Variants in MITF observed in about 807,000 individuals in gnomAD.
MITF encodes melanocyte inducing transcription factor.
In MITF, 17 loss-of-function variants were observed where a neutral mutation model predicts 60.5. That is an observed-to-expected ratio of 0.28 (90% CI 0.19 to 0.42). MITF has a LOEUF of 0.42. Ranked by LOEUF, MITF falls within the 10% of genes least tolerant of loss-of-function variation. MITF has a pLI of 1.00. For synonymous variants in MITF, 260 were observed against 248.5 expected, an observed-to-expected ratio of 1.05 and a Z score of -0.43; for missense variants, 622 against 683.5, an observed-to-expected ratio of 0.91 and a Z score of 1.00.
intron 1 of MITF, among the ~76,000 whole-genome samples, chr3:69,800,237 A>G (rs1042208145): frequency 1.3e-5 from 2 of 152,124 alleles, no homozygotes; most frequent in African/African-American, 4.8e-5. Context: ...TCTTTCACTT[A>G]GCATATTTTC....
intron 1 of MITF, among the ~76,000 whole-genome samples, chr3:69,746,175 G>A (rs550423354): frequency 9.9e-4 from 151 of 152,230 alleles, no homozygotes; most frequent in Non-Finnish European, 2.0e-3. Flanking sequence ...TCCTTTTCCC[G>A]ATTACTACTA....
chr3:69,891,193 TAGA>T (rs2064752331), intron 2 of MITF, among the ~76,000 whole-genome samples: 1 of 152,318 alleles, frequency 6.6e-6, no homozygotes, highest in African/African-American at 2.4e-5. Flanking sequence ...ACTAATGAAT[TAGA>T]AGAATCTTGA....
chr3:69,903,321 C>T (rs1484034565), intron 2 of MITF, among the ~76,000 whole-genome samples: 1 of 152,176 alleles, frequency 6.6e-6, no homozygotes, highest in African/African-American at 2.4e-5. Context: ...ATGGTAAGCA[C>T]AGCCTAGTTT....
intron 2 of MITF, among the ~76,000 whole-genome samples, chr3:69,911,628 A>T (rs9843596): frequency 7.9e-5 from 12 of 152,188 alleles, no homozygotes. Flanking sequence ...ATAAGAAAAC[A>T]ATGGGGTGGG....
intron 2 of MITF, among the ~76,000 whole-genome samples, chr3:69,930,081 G>A (rs765420549): frequency 1.6e-4 from 24 of 152,242 alleles, no homozygotes; most frequent in Non-Finnish European, 3.1e-4. Context: ...GCAGAAGACC[G>A]TGGGAGGAGC....
At chr3:69,879,924 A>G (rs1367932340) in intron 2 of MITF, among the ~76,000 whole-genome samples, 1 of 152,190 alleles carries the variant, frequency 6.6e-6, no homozygotes, top group Non-Finnish European at 1.5e-5. Flanking sequence ...ATTTCTTGCT[A>G]GAGTAGAAAC....
At chr3:69,893,891 T>G (rs1337334170) in intron 2 of MITF, among the ~76,000 whole-genome samples, 1 of 152,172 alleles carries the variant, frequency 6.6e-6, no homozygotes, top group African/African-American at 2.4e-5. Flanking sequence ...CATAAAAGAC[T>G]TATATGTTGT....
chr3:69,790,471 A>G (rs2062722221), intron 1 of MITF, among the ~76,000 whole-genome samples: 1 of 152,146 alleles, frequency 6.6e-6, no homozygotes, highest in African/African-American at 2.4e-5. Flanking sequence ...TAAAATGGTA[A>G]ATTTTATGTA....
At chr3:69,791,678 T>G (rs573075797) in intron 1 of MITF, among the ~76,000 whole-genome samples, 1 of 152,306 alleles carries the variant, frequency 6.6e-6, no homozygotes, top group African/African-American at 2.4e-5. Context: ...ATTCTGTTGT[T>G]TTTCAAGATA....
intron 1 of MITF, among the ~76,000 whole-genome samples, chr3:69,789,560 C>T (rs753652603): frequency 9.9e-5 from 15 of 152,094 alleles, no homozygotes; most frequent in South Asian, 2.1e-4. Context: ...ACAGCTGCTA[C>T]GGAAAGGAGC....
intron 1 of MITF, among the ~76,000 whole-genome samples, chr3:69,857,962 C>G (rs1048129329): frequency 1.3e-5 from 2 of 152,008 alleles, no homozygotes; most frequent in Non-Finnish European, 2.9e-5. Flanking sequence ...TTCTCTATAT[C>G]TGTATTACCA....
At chr3:69,946,384 G>A (rs1347827782) in intron 5 of MITF, among the ~76,000 whole-genome samples, 1 of 152,116 alleles carries the variant, frequency 6.6e-6, no homozygotes, top group Non-Finnish European at 1.5e-5. Context: ...TCTAATTGGA[G>A]ATGAATTGAA....
intron 1 of MITF, among the ~76,000 whole-genome samples, chr3:69,819,385 A>C (rs1327044774): frequency 6.6e-6 from 1 of 152,216 alleles, no homozygotes; most frequent in Non-Finnish European, 1.5e-5. Flanking sequence ...GAAGCGCTTA[A>C]GCTAGAAGAA....
At chr3:69,744,080 G>C (rs1350788431) in intron 1 of MITF, among the ~76,000 whole-genome samples, 1 of 152,226 alleles carries the variant, frequency 6.6e-6, no homozygotes, top group African/African-American at 2.4e-5. Flanking sequence ...TGGCAGGACA[G>C]GATACAGCAG....
chr3:69,762,870 A>G (rs1304504396), intron 1 of MITF: 2 of 224,414 alleles, frequency 8.9e-6, no homozygotes, highest in African/African-American at 4.5e-5. Context: ...ATGTTTAATA[A>G]TCAGTTTAAT....
intron 1 of MITF, among the ~76,000 whole-genome samples, chr3:69,800,376 C>T (rs1411297567): frequency 6.6e-6 from 1 of 152,118 alleles, no homozygotes; most frequent in Non-Finnish European, 1.5e-5. Flanking sequence ...GAATTGCTTC[C>T]ACTTTTGCCT....
rs560348035 is a variant in MITF, at chr3:69,939,189, A to G, written c.666+8A>G. ...CGAGCGTCCTGTATGCAGGTACTGAATGACTTGGCAGCCTGAGGATGAACA... is the reference window on the plus strand; with the variant it reads ...CGAGCGTCCTGTATGCAGGTACTGAGTGACTTGGCAGCCTGAGGATGAACA... On this transcript the variant is annotated splice_region_variant and intron_variant, in intron 4 of 9. Coordinates refer to ENST00000352241, the MANE Select transcript of MITF (RefSeq NM_001354604.2). 23 of 1,612,720 alleles carry G rather than the reference A, an allele frequency of 1.4e-5. No homozygotes were observed. Among genetic ancestry groups the G allele is most frequent in the Non-Finnish European group, 2.0e-5 (23 of 1,178,956 alleles).
Position 69,746,928 on chromosome 3 carries a change from G to A in MITF, c.104+7227G>A, listed in dbSNP as rs368761239. 2.0e-5 allele frequency among the ~76,000 whole-genome samples: 3 copies of A among 152,264 alleles called. No individual in the cohort carries two copies. In the East Asian group the frequency reaches 5.8e-4, roughly 29 times the overall value. On this transcript the variant is annotated intron_variant, in intron 1 of 9. Coordinates refer to ENST00000352241, the MANE Select transcript of MITF (RefSeq NM_001354604.2). ...TCTCAATGGTAAGCTTATTTCTCTA[G>A]CCCATTTCTACAATGTGGCTTTCTT...
Position 69,929,572 on chromosome 3 carries a change from T to C in MITF, c.355-8250T>C, listed in dbSNP as rs551282864. ...TGAATAGCATTGATGTAGGGACTTC[T>C]AGGCCATTGCAAATACTTTGTTTTT... On this transcript the variant is annotated intron_variant, in intron 2 of 9. Transcript: ENST00000352241. 1.3e-4 allele frequency among the ~76,000 whole-genome samples: 20 copies of C among 152,276 alleles called. 1 individual carries two copies. The South Asian group carries it at 3.9e-3, about 30-fold the overall frequency.
Sources: allele counts gnomAD v4.1 joint callset (sites outside exome capture counted in the v4.1 genomes callset), GRCh38; gene constraint gnomAD v4.1.1; transcripts MANE v1.5; gene names NCBI Gene and HGNC (gene_info 2026-07-23, HGNC 2026-07-21).